KCNQ1: variants seen among roughly 807,000 people sequenced by gnomAD.
The protein encoded by KCNQ1 is potassium voltage-gated channel subfamily Q member 1, also known as potassium voltage-gated channel subfamily KQT member 1.
In KCNQ1, 49 loss-of-function variants were observed where a neutral mutation model predicts 72.4. The ratio of observed to expected loss-of-function variants is 0.68; its 90% CI spans 0.54 to 0.86. The LOEUF (loss-of-function observed/expected upper bound fraction) is 0.86, where lower values mean the gene tolerates loss of function less well. Among genes scored for constraint, KCNQ1 ranks in the 40% least tolerant of loss-of-function variants. The probability of loss-of-function intolerance (pLI) is 0.00; values close to 1 mark genes in which losing one functional copy is unlikely to be tolerated. For synonymous variants in KCNQ1, 450 were observed against 412.6 expected, an observed-to-expected ratio of 1.09 and a Z score of -1.10; for missense variants, 790 against 945.1, an observed-to-expected ratio of 0.84 and a Z score of 2.15.
Position 2,564,465 on chromosome 11 carries a change from G to C in KCNQ1, c.478-6163G>C, listed in dbSNP as rs938950790. 2.6e-5 allele frequency among the ~76,000 whole-genome samples: 4 copies of C among 152,088 alleles called. No individual in the cohort carries two copies. Among genetic ancestry groups the C allele is most frequent in the Admixed American group, 2.6e-4 (4 of 15,274 alleles). On this transcript the variant is annotated intron_variant, in intron 2 of 15. Transcript: ENST00000155840. The surrounding 1 kb of genome is among the most constrained non-coding windows in gnomAD (Gnocchi z 4.5). Reference sequence around the variant, plus strand: ...AAAAAGATTAGCCGGGTGTGGTGGTGGGTGCCTCTAATCCAGCTACTCAGG... The same window carrying C: ...AAAAAGATTAGCCGGGTGTGGTGGTCGGTGCCTCTAATCCAGCTACTCAGG...
chr11:2,632,984 A>G (rs1482383099), intron 10 of KCNQ1: 2 of 398,504 alleles, frequency 5.0e-6, no homozygotes, highest in East Asian at 3.6e-5. Flanking sequence ...TTTTTTTGAC[A>G]AAACACCACA....
intron 15 of KCNQ1, among the ~76,000 whole-genome samples, chr11:2,786,519 C>G (rs1846917181): frequency 6.6e-6 from 1 of 151,566 alleles, no homozygotes. Flanking sequence ...GTCTCATTAT[C>G]TCCTTCTGAA....
At position 2,536,700 on chromosome 11, in the gene KCNQ1, G is replaced by C. The variant is rs1449112859; in HGVS notation, c.477+8682G>C. On this transcript the variant is annotated intron_variant, in intron 2 of 15. Coordinates refer to ENST00000155840, the MANE Select transcript of KCNQ1 (RefSeq NM_000218.3). The surrounding 1 kb of genome is among the most constrained non-coding windows in gnomAD (Gnocchi z 7.4). ...CGTGGCTCTCCCTCCCAGCCTGCCAGAGGGACCGCTGGGCCTATCTCCAGC... is the reference window on the plus strand; with the variant it reads ...CGTGGCTCTCCCTCCCAGCCTGCCACAGGGACCGCTGGGCCTATCTCCAGC... 6.6e-6 allele frequency among the ~76,000 whole-genome samples: 1 copy of C among 152,144 alleles called. No homozygotes were observed. The highest frequency in any genetic ancestry group is 2.4e-5 in the African/African-American group (1 of 41,402).
chr11:2,583,989 T>G (rs996981529), intron 7 of KCNQ1, among the ~76,000 whole-genome samples: 3 of 152,146 alleles, frequency 2.0e-5, no homozygotes, highest in Non-Finnish European at 2.9e-5. Context: ...TATGTGGGTG[T>G]GTGTGTGTGT....
chr11:2,606,179 T>A (rs1303797840), intron 10 of KCNQ1, among the ~76,000 whole-genome samples: 2 of 152,238 alleles, frequency 1.3e-5, no homozygotes, highest in Non-Finnish European at 2.9e-5. Flanking sequence ...GATTGTTTTT[T>A]GACAGTGTGT....
chr11:2,730,285 G>A (rs535914937), intron 11 of KCNQ1, among the ~76,000 whole-genome samples: 46 of 152,312 alleles, frequency 3.0e-4, no homozygotes, highest in African/African-American at 1.0e-3. Flanking sequence ...AGCTTCTTAC[G>A]GCTGCTGTAA....
At chr11:2,605,366 A>C (rs559616525) in intron 10 of KCNQ1, among the ~76,000 whole-genome samples, 31 of 152,294 alleles carry the variant, frequency 2.0e-4, no homozygotes, top group Admixed American at 5.2e-4. Flanking sequence ...ACCTCTGCCA[A>C]ATCCAAGGTC....
chr11:2,576,838 G>A (rs925956492), intron 6 of KCNQ1, among the ~76,000 whole-genome samples: 5 of 152,254 alleles, frequency 3.3e-5, no homozygotes, highest in Admixed American at 6.5e-5. Context: ...GCCGTGGGCC[G>A]AGGGGCGGCA....
chr11:2,837,444 A>G (rs1470513979), intron 15 of KCNQ1, among the ~76,000 whole-genome samples: 1 of 152,160 alleles, frequency 6.6e-6, no homozygotes, highest in Non-Finnish European at 1.5e-5. Flanking sequence ...CCCAGGCTGC[A>G]CTGTGCCACA....
chr11:2,665,362 C>A, intron 11 of KCNQ1: 1 of 398,114 alleles, frequency 2.5e-6, no homozygotes, highest in South Asian at 1.3e-4. Context: ...GGGGAGCACC[C>A]CCATGACAAG....
In KCNQ1 at chr11:2,515,852, G is replaced by A. The variant is rs544560905; in HGVS notation, c.387-12076G>A. On this transcript the variant is annotated intron_variant, in intron 1 of 15. Transcript: ENST00000155840. The surrounding 1 kb of genome is among the most constrained non-coding windows in gnomAD (Gnocchi z 4.7). Reference sequence around the variant, plus strand: ...GGGCTTGTGCTCTGCCGGGCCACCTGCACCCTCCGGGCCCCAGGAGAAGCT... The same window carrying A: ...GGGCTTGTGCTCTGCCGGGCCACCTACACCCTCCGGGCCCCAGGAGAAGCT... Among the ~76,000 whole-genome samples, 412 of 152,140 alleles carry A rather than the reference G, an allele frequency of 2.7e-3. 2 individuals are homozygous for A. Among genetic ancestry groups the A allele is most frequent in the Non-Finnish European group, 4.9e-3 (334 of 67,974 alleles).
chr11:2,625,187 T>C (rs937459727), intron 10 of KCNQ1: 1 of 398,534 alleles, frequency 2.5e-6, no homozygotes, highest in Admixed American at 4.4e-5. Context: ...CATTTTGCAT[T>C]CCCACTAACA....
chr11:2,727,118 C>T (rs992731807), intron 11 of KCNQ1, among the ~76,000 whole-genome samples: 4 of 152,162 alleles, frequency 2.6e-5, no homozygotes, highest in Non-Finnish European at 5.9e-5. Flanking sequence ...CCTGTAGGAG[C>T]GAGACAGACA....
intron 6 of KCNQ1, among the ~76,000 whole-genome samples, chr11:2,581,399 G>A (rs1848496043): frequency 6.6e-6 from 1 of 152,208 alleles, no homozygotes; most frequent in African/African-American, 2.4e-5. Flanking sequence ...CCACCCCAGT[G>A]CACCTGGGCC....
At position 2,544,372 on chromosome 11, in the gene KCNQ1, A is replaced by G. The variant is rs1458227962; in HGVS notation, c.477+16354A>G. 7.0e-6 allele frequency among the ~76,000 whole-genome samples: 1 copy of G among 143,128 alleles called. No individual in the cohort carries two copies. The highest frequency in any genetic ancestry group is 1.5e-5 in the Non-Finnish European group (1 of 66,334). The allele number at this position is 143,128 out of a possible 152,430, so 93.9% of individuals were successfully genotyped here. A position where few individuals can be genotyped will look rare whatever the true frequency, so the allele number is the denominator to read the frequency against. On this transcript the variant is annotated intron_variant, in intron 2 of 15. Coordinates refer to ENST00000155840, the MANE Select transcript of KCNQ1 (RefSeq NM_000218.3). The surrounding 1 kb of genome is among the most constrained non-coding windows in gnomAD (Gnocchi z 4.4). ...TATATATATGTGTATATATATGTGT[A>G]TATATATGTGTGCATATATGTGTAT...
intron 2 of KCNQ1, among the ~76,000 whole-genome samples, chr11:2,551,337 G>A (rs1323296907): frequency 6.6e-6 from 1 of 152,298 alleles, no homozygotes; most frequent in East Asian, 1.9e-4. Context: ...TTTCCAGAAC[G>A]TCATGTGAAT....
intron 1 of KCNQ1, among the ~76,000 whole-genome samples, chr11:2,469,788 C>T (rs182098617): frequency 0.011 from 1,726 of 152,216 alleles, 21 homozygotes; most frequent in South Asian, 0.029. Context: ...ATTCTCCTGC[C>T]TCAGCCTCCC....
intron 5 of KCNQ1, 88 bp downstream of exon 5, chr11:2,572,197 C>T (rs566772009): frequency 2.3e-5 from 23 of 989,116 alleles, no homozygotes; most frequent in East Asian, 5.1e-5. Context: ...GCTTGAGATG[C>T]GCTGAGGCCC....
chr11:2,675,280 C>A (rs1186295579), intron 11 of KCNQ1: 10 of 398,400 alleles, frequency 2.5e-5, no homozygotes. Context: ...CTCACCTCTC[C>A]CAAAAGCAGA....
Sources: allele counts gnomAD v4.1 joint callset (sites outside exome capture counted in the v4.1 genomes callset), GRCh38; gene constraint gnomAD v4.1.1; non-coding constraint Gnocchi (gnomAD v3.1); transcripts MANE v1.5; gene names NCBI Gene and HGNC (gene_info 2026-07-23, HGNC 2026-07-21).